DENND4C: variants seen among roughly 807,000 people sequenced by gnomAD.
DENND4C encodes the protein DENN domain-containing protein 4C.
Under a neutral mutation model 203.0 loss-of-function variants are expected in DENND4C, and 108 were observed. That is an observed-to-expected ratio of 0.53 (90% CI 0.46 to 0.62). DENND4C has a LOEUF of 0.62. Ranked by LOEUF, DENND4C falls within the 20% of genes least tolerant of loss-of-function variation. The pLI is 0.00. For synonymous variants in DENND4C, 871 were observed against 792.4 expected (o/e 1.10, Z -1.67); for missense variants, 2,481 against 2,301.2 (o/e 1.08, Z -1.60).
intron 12 of DENND4C, among the ~76,000 whole-genome samples, chr9:19,319,385 T>C (rs1188602107): frequency 7.3e-6 from 1 of 137,362 alleles, no homozygotes; most frequent in East Asian, 2.0e-4. Flanking sequence ...CACATACATA[T>C]ATATATACAT....
intron 1 of DENND4C, among the ~76,000 whole-genome samples, chr9:19,238,116 C>T (rs1483444691): frequency 2.0e-5 from 3 of 149,024 alleles, no homozygotes; most frequent in Non-Finnish European, 3.0e-5. Flanking sequence ...GAGTTTCACT[C>T]GTGTTGCCCA....
rs60635871 is a variant in DENND4C at position 19,356,788 on chromosome 9, TGAGAGA to T, written c.4782-160_4782-155del. On this transcript the variant is annotated intron_variant, in intron 26 of 32. Coordinates refer to ENST00000434457, the MANE Select transcript of DENND4C (RefSeq NM_001330640.2). The stretch of plus-strand genomic sequence containing the variant: ...GAGAGCAGGAATGTGTGTGTGTGTG[TGAGAGA>T]GAGAGAGAGAGAGAGAGAGAGAGTG... Among the ~76,000 whole-genome samples the T allele has an allele frequency of 5.4e-4, 76 of 140,414 alleles. 1 individual carries two copies. The highest frequency in any genetic ancestry group is 2.0e-3 in the South Asian group (9 of 4,440). The allele number at this position is 140,414 out of a possible 152,430, so 92.1% of individuals were successfully genotyped here. A position where few individuals can be genotyped will look rare whatever the true frequency, so the allele number is the denominator to read the frequency against.
At chr9:19,268,503 A>G (rs551092132) in intron 1 of DENND4C, among the ~76,000 whole-genome samples, 14 of 152,130 alleles carry the variant, frequency 9.2e-5, no homozygotes, top group African/African-American at 1.9e-4. Flanking sequence ...ATGTTTGTCT[A>G]TGTATTTGCT....
At chr9:19,324,170 G>A (rs992216761) in intron 12 of DENND4C, among the ~76,000 whole-genome samples, 192 bp from the exon 13 acceptor site, 8 of 151,470 alleles carry the variant, frequency 5.3e-5, no homozygotes, top group South Asian at 2.1e-4. Flanking sequence ...AAAAAAATCC[G>A]AAATCTGAAA....
chr9:19,296,131 A>G lies in DENND4C; in HGVS notation c.925A>G (p.Thr309Ala). ...AAAAATGGTCTCCAAATCCATCAAT[A>G]CAAACAAATGCATTTGTTTACTCTC... is the stretch of plus-strand genomic sequence containing the variant. ...ERKMVSKSIN[T>A]NKCICLLSHW... The change falls in exon 6 of 33, where the codon ACA becomes GCA. Residue 309 changes from threonine to alanine, a missense_variant. By Grantham distance (58) the Thr-to-Ala change is moderately conservative. This residue lies in a region of DENND4C where 2,289 missense variants were observed against 2,113.3 expected (regional missense o/e 1.08). Coordinates refer to ENST00000434457, the MANE Select transcript of DENND4C (RefSeq NM_001330640.2). The G allele has an allele frequency of 6.2e-7, 1 of 1,613,962 alleles. No individual in the cohort carries two copies. The highest frequency in any genetic ancestry group is 8.5e-7 in the Non-Finnish European group (1 of 1,179,890).
At chr9:19,298,945 A>G (rs1211635926) in intron 7 of DENND4C, among the ~76,000 whole-genome samples, 6 of 152,164 alleles carry the variant, frequency 3.9e-5, no homozygotes, top group African/African-American at 1.4e-4. Context: ...CAGAAGCAGT[A>G]GTTCCATAAA....
At position 19,344,270 on chromosome 9, in the gene DENND4C, G is replaced by GA. The variant is rs1563824186; in HGVS notation, c.3151+1492dup. ...AACGAAGGAAAAGAAAAACACAAAT[G>GA]AGAATCCTAAATATGAATAACTCAG... On this transcript the variant is annotated intron_variant, in intron 22 of 32. Transcript: ENST00000434457. 2.0e-5 allele frequency among the ~76,000 whole-genome samples: 3 copies of GA among 152,294 alleles called. No individual in the cohort carries two copies. In the South Asian group the frequency reaches 6.2e-4, roughly 32 times the overall value.
At chr9:19,252,291 T>C (rs62560344) in intron 1 of DENND4C, among the ~76,000 whole-genome samples, 89 of 152,268 alleles carry the variant, frequency 5.8e-4, no homozygotes, top group Non-Finnish European at 1.1e-3. Context: ...GAGAACAGCA[T>C]GGGAAAGACC....
intron 1 of DENND4C, among the ~76,000 whole-genome samples, chr9:19,267,390 T>A (rs922878159): frequency 1.1e-4 from 16 of 152,214 alleles, no homozygotes; most frequent in African/African-American, 3.9e-4. Flanking sequence ...GTTTTTATCT[T>A]AAAATCTGTT....
rs372647372 is a variant in DENND4C, at chr9:19,347,024, G to A, written c.4255G>A (p.Ala1419Thr). 6.2e-6 allele frequency: 10 copies of A among 1,613,992 alleles called. No homozygotes were observed. The highest frequency in any genetic ancestry group is 8.5e-6 in the Non-Finnish European group (10 of 1,180,042). ...DVLKSGMKQAATVASKMWVAV... is the reference protein window; with the variant it reads ...DVLKSGMKQATTVASKMWVAV... ...CCTGAAATCTGGTATGAAACAAGCA[G>A]CGACAGTAGCCAGTAAGATGTGGGT... Residue 1419 changes from alanine to threonine, a missense_variant, in exon 23 of 33, where the codon GCG (alanine) becomes ACG (threonine). Around this residue, in one of 3 missense-constraint regions of DENND4C, gnomAD observed 2,289 missense variants for 2,113.3 expected, o/e 1.08. Transcript: ENST00000434457.
intron 1 of DENND4C, among the ~76,000 whole-genome samples, chr9:19,269,922 G>A (rs937202832): frequency 6.6e-6 from 1 of 152,128 alleles, no homozygotes; most frequent in African/African-American, 2.4e-5. Context: ...AGTATTCAAA[G>A]GTAATTGATT....
At chr9:19,235,992 T>G (rs922800897) in intron 1 of DENND4C, among the ~76,000 whole-genome samples, 5 of 152,026 alleles carry the variant, frequency 3.3e-5, no homozygotes, top group African/African-American at 1.2e-4. Flanking sequence ...TGTTATGTTT[T>G]TATTTCTTTT....
chr9:19,275,194 T>C lies in DENND4C; in HGVS notation c.-17-964T>C, dbSNP rs961023797. 2.0e-5 allele frequency among the ~76,000 whole-genome samples: 3 copies of C among 151,578 alleles called. No homozygotes were observed. In the East Asian group the frequency reaches 5.8e-4, roughly 29 times the overall value. ...GGTTTCACCATGTTAGCCAGGCTGG[T>C]GTCAAATTCCTGACCTCAAGTGATC... On this transcript the variant is annotated intron_variant, in intron 1 of 32. Coordinates refer to ENST00000434457, the MANE Select transcript of DENND4C (RefSeq NM_001330640.2).
Position 19,336,184 on chromosome 9 carries a change from T to TAA in DENND4C, c.2590-84_2590-83dup, listed in dbSNP as rs1820425345. On this transcript the variant is annotated intron_variant, in intron 18 of 32. Coordinates refer to ENST00000434457, the MANE Select transcript of DENND4C (RefSeq NM_001330640.2). ...TTTTATATTTGTGTATATATATATATAAACATACACACACACATATATGTA... is the reference window on the plus strand; with the variant it reads ...TTTTATATTTGTGTATATATATATATAAAAACATACACACACACATATATGTA... 17 of 1,208,546 alleles carry TAA rather than the reference T, an allele frequency of 1.4e-5. No individual in the cohort carries two copies. The South Asian group carries it at 2.7e-4, about 19-fold the overall frequency. 74.9% of individuals were successfully genotyped at this position (1,208,546 alleles called of 1,614,324 possible).
chr9:19,244,320 C>T (rs193125264), intron 1 of DENND4C, among the ~76,000 whole-genome samples: 2 of 151,930 alleles, frequency 1.3e-5, no homozygotes, highest in Non-Finnish European at 1.5e-5. Context: ...CGTGAGCCTT[C>T]TCGCCTGGCC....
intron 17 of DENND4C, among the ~76,000 whole-genome samples, chr9:19,332,794 G>T: frequency 6.9e-6 from 1 of 144,424 alleles, no homozygotes; most frequent in African/African-American, 2.5e-5. Context: ...TTAAGGGATG[G>T]AGTCTCACTT....
At chr9:19,266,693 C>A (rs1830573100) in intron 1 of DENND4C, among the ~76,000 whole-genome samples, 1 of 152,266 alleles carries the variant, frequency 6.6e-6, no homozygotes, top group South Asian at 2.1e-4. Context: ...ACCATCTGAT[C>A]TTTGACAAAC....
chr9:19,235,084 G>C (rs1588702312), intron 1 of DENND4C, among the ~76,000 whole-genome samples: 1 of 151,692 alleles, frequency 6.6e-6, no homozygotes, highest in South Asian at 2.1e-4. Flanking sequence ...CCTGCCTCAG[G>C]GTCCCTAGTA....
At chr9:19,241,401 TAG>T (rs371033846) in intron 1 of DENND4C, among the ~76,000 whole-genome samples, 30 of 152,192 alleles carry the variant, frequency 2.0e-4, no homozygotes, top group African/African-American at 6.7e-4. Context: ...TTTTTAGAGA[TAG>T]AGTCTCGCTA....
Sources: allele counts gnomAD v4.1 joint callset (sites outside exome capture counted in the v4.1 genomes callset), GRCh38; gene constraint gnomAD v4.1.1; regional missense constraint gnomAD v4.1.1; transcripts MANE v1.5; gene names NCBI Gene and HGNC (gene_info 2026-07-23, HGNC 2026-07-21).